The following CCDC102B variants were observed in gnomAD, a reference collection of about 807,000 sequenced individuals.
CCDC102B encodes coiled-coil domain containing 102B.
Under a neutral mutation model 57.4 loss-of-function variants are expected in CCDC102B, and 75 were observed. The observed-to-expected ratio is 1.31, with a 90% CI of 1.08 to 1.58. The LOEUF (loss-of-function observed/expected upper bound fraction) is 1.58, where lower values mean the gene tolerates loss of function less well. CCDC102B is among the 40% of genes most tolerant of loss of function. The pLI, the probability that CCDC102B is intolerant of heterozygous loss-of-function variation, is 0.00. For missense variants in CCDC102B, 636 were observed against 582.6 expected, an observed-to-expected ratio of 1.09 and a Z score of -0.94; for synonymous variants, 206 against 201.9, an observed-to-expected ratio of 1.02 and a Z score of -0.17.
At chr18:68,765,131 G>A (rs890196520) in intron 2 of CCDC102B, among the ~76,000 whole-genome samples, 1 of 150,934 alleles carries the variant, frequency 6.6e-6, no homozygotes, top group African/African-American at 2.4e-5. Context: ...ACTGAAGTGG[G>A]GGGGATTGCT....
chr18:68,810,692 T>TG (rs1568263254), intron 1 of CCDC102B, among the ~76,000 whole-genome samples: 73 of 142,534 alleles, frequency 5.1e-4, no homozygotes, highest in Middle Eastern at 3.6e-3. Flanking sequence ...TTTTTTTTTT[T>TG]TTTTTTTTTT....
chr18:69,033,332 A>G (rs915853896), intron 7 of CCDC102B, among the ~76,000 whole-genome samples: 3 of 152,164 alleles, frequency 2.0e-5, no homozygotes, highest in Non-Finnish European at 4.4e-5. Context: ...GTTCAGTGCA[A>G]TTCAATAGTT....
rs753404448 is a variant in CCDC102B at position 69,006,116 on chromosome 18, C to T, written c.1264-4818C>T. ...AGAGATATTTACCATCTACCTAATT[C>T]TCTTTTCAAATGCAAACCACTAAAT... On this transcript the variant is annotated intron_variant, in intron 6 of 7. Coordinates refer to ENST00000360242, the MANE Select transcript of CCDC102B (RefSeq NM_024781.3). 1.6e-3 allele frequency among the ~76,000 whole-genome samples: 248 copies of T among 152,144 alleles called. 1 individual carries two copies. Among genetic ancestry groups the T allele is most frequent in the Non-Finnish European group, 2.7e-3 (184 of 67,982 alleles).
chr18:68,936,257 T>C (rs1366874218), intron 6 of CCDC102B, among the ~76,000 whole-genome samples: 4 of 152,024 alleles, frequency 2.6e-5, no homozygotes. Context: ...AAACATGTTG[T>C]ATAGCGGTTA....
At chr18:68,870,027 G>T (rs1188179433) in intron 4 of CCDC102B, among the ~76,000 whole-genome samples, 1 of 152,080 alleles carries the variant, frequency 6.6e-6, no homozygotes, top group Non-Finnish European at 1.5e-5. Context: ...AAGATCAGAT[G>T]GTTGTAGATG....
At chr18:68,914,974 G>GGAGAGA (rs59012789) in intron 6 of CCDC102B, among the ~76,000 whole-genome samples, 40 of 147,542 alleles carry the variant, frequency 2.7e-4, no homozygotes, top group Admixed American at 9.5e-4. Flanking sequence ...ACTACTGGGG[G>GGAGAGA]GAGAGAGAGA....
intron 6 of CCDC102B, chr18:68,900,070 T>C (rs776688212): frequency 6.6e-6 from 1 of 152,134 alleles, no homozygotes; most frequent in Non-Finnish European, 1.5e-5. Flanking sequence ...CATAAACCAA[T>C]GTAATAGACT....
intron 6 of CCDC102B, among the ~76,000 whole-genome samples, chr18:68,982,998 G>T (rs552363491): frequency 1.3e-5 from 2 of 151,682 alleles, no homozygotes; most frequent in African/African-American, 4.8e-5. Flanking sequence ...AAACCACAAG[G>T]ATTTGTACCA....
chr18:68,793,450 A>G (rs2035528688), upstream of CCDC102B, among the ~76,000 whole-genome samples: 1 of 152,230 alleles, frequency 6.6e-6, no homozygotes, highest in South Asian at 2.1e-4. Context: ...TAAAAGTAGA[A>G]TAAAAACCAA....
Position 69,054,029 on chromosome 18 carries a change from G to A in CCDC102B, c.1435-1G>A, listed in dbSNP as rs1414383224. 2.5e-6 allele frequency: 4 copies of A among 1,598,710 alleles called. No homozygotes were observed. Among genetic ancestry groups the A allele is most frequent in the Non-Finnish European group, 3.4e-6 (4 of 1,175,766 alleles). On this transcript the variant is annotated splice_acceptor_variant, in intron 7 of 7. Coordinates refer to ENST00000360242, the MANE Select transcript of CCDC102B (RefSeq NM_024781.3). LOFTEE classifies it high-confidence loss of function. ...TAAAGCATTTTCTACTTCGCTTTCA[G>A]CTTGATGATTCCCTGAATCAGATCC...
chr18:68,771,751 A>C (rs1351547318), intron 2 of CCDC102B, among the ~76,000 whole-genome samples: 2 of 152,234 alleles, frequency 1.3e-5, no homozygotes, highest in East Asian at 3.9e-4. Context: ...AATTGGGAAA[A>C]ATAAGAGCTT....
chr18:68,932,018 A>T (rs1012178826), intron 6 of CCDC102B, among the ~76,000 whole-genome samples: 1 of 151,976 alleles, frequency 6.6e-6, no homozygotes, highest in African/African-American at 2.4e-5. Flanking sequence ...TCTTATCTAA[A>T]CATTCAGTGA....
intron 2 of CCDC102B, among the ~76,000 whole-genome samples, chr18:68,758,874 A>C (rs1163161134): frequency 6.6e-6 from 1 of 151,864 alleles, no homozygotes; most frequent in Admixed American, 6.6e-5. Context: ...TGAGCAAAAC[A>C]AACTTAACAA....
intron 7 of CCDC102B, among the ~76,000 whole-genome samples, chr18:69,024,868 T>C (rs2051941755): frequency 6.6e-6 from 1 of 152,026 alleles, no homozygotes; most frequent in Non-Finnish European, 1.5e-5. Flanking sequence ...ATTTTTGAAA[T>C]ATTGTGTAAA....
chr18:68,958,155 A>T (rs933995778), intron 6 of CCDC102B, among the ~76,000 whole-genome samples: 2 of 152,132 alleles, frequency 1.3e-5, no homozygotes, highest in African/African-American at 4.8e-5. Context: ...TGAGAACAGC[A>T]TGGGAAAGAC....
chr18:68,951,410 A>C (rs562512588), intron 6 of CCDC102B, among the ~76,000 whole-genome samples: 4 of 152,296 alleles, frequency 2.6e-5, no homozygotes, highest in Middle Eastern at 3.4e-3. Flanking sequence ...GTAATGAATA[A>C]AATATTTTAA....
chr18:69,031,765 G>A (rs1435920999), intron 7 of CCDC102B, among the ~76,000 whole-genome samples: 1 of 152,026 alleles, frequency 6.6e-6, no homozygotes, highest in Non-Finnish European at 1.5e-5. Context: ...TGTGTAGACA[G>A]CCGATGGTGT....
chr18:68,736,506 A>T (rs1175086575), intron 2 of CCDC102B, among the ~76,000 whole-genome samples: 1 of 152,226 alleles, frequency 6.6e-6, no homozygotes, highest in Non-Finnish European at 1.5e-5. Flanking sequence ...GCACATCTTT[A>T]TATCATTGTG....
At chr18:68,784,356 A>T (rs1166354865) in intron 2 of CCDC102B, among the ~76,000 whole-genome samples, 2 of 151,188 alleles carry the variant, frequency 1.3e-5, no homozygotes, top group African/African-American at 4.9e-5. Context: ...AGATCTCACG[A>T]GAATTCTTAT....
Sources: gnomAD v4.1 joint callset for allele counts (sites outside exome capture counted in the v4.1 genomes callset) on GRCh38, gnomAD v4.1.1 for gene constraint, MANE v1.5 for transcripts, NCBI Gene and HGNC (gene_info 2026-07-23, HGNC 2026-07-21) for gene names.